PCBP3: variants seen among roughly 807,000 people sequenced by gnomAD.
The protein encoded by PCBP3 is poly(rC) binding protein 3.
In PCBP3, 25 loss-of-function variants were observed where a neutral mutation model predicts 52.7. The ratio of observed to expected loss-of-function variants is 0.47; its 90% CI spans 0.35 to 0.66. The LOEUF is 0.66. PCBP3 is among the 30% of genes least tolerant of loss of function. The pLI, the probability that PCBP3 is intolerant of heterozygous loss-of-function variation, is 0.01. For synonymous variants in PCBP3, 162 were observed against 183.0 expected (o/e 0.89, Z 0.93); for missense variants, 391 against 490.3 (o/e 0.80, Z 1.91).
intron 2 of PCBP3, among the ~76,000 whole-genome samples, chr21:45,677,467 G>A (rs1032577156): frequency 6.6e-6 from 1 of 152,220 alleles, no homozygotes; most frequent in African/African-American, 2.4e-5. Flanking sequence ...AAAAGTGCAA[G>A]GTAAAACAGC....
intron 4 of PCBP3, among the ~76,000 whole-genome samples, chr21:45,765,233 G>A (rs530554274): frequency 3.9e-5 from 6 of 152,316 alleles, no homozygotes; most frequent in Non-Finnish European, 7.4e-5. Context: ...TGACCCTCCA[G>A]GGGTGCCAGG....
intron 1 of PCBP3, among the ~76,000 whole-genome samples, chr21:45,646,053 T>TTCTTTC (rs2079229355): frequency 1.4e-5 from 1 of 71,452 alleles, no homozygotes; most frequent in Non-Finnish European, 2.9e-5. Context: ...TGTCACCTGT[T>TTCTTTC]TCTCTCTCTC....
intron 4 of PCBP3, among the ~76,000 whole-genome samples, chr21:45,767,636 T>C (rs1269886611): frequency 1.3e-5 from 2 of 152,228 alleles, no homozygotes; most frequent in Non-Finnish European, 2.9e-5. Flanking sequence ...TGTTTTGCCT[T>C]CTTGAGGTGG....
At chr21:45,683,533 TA>T (rs2081972114) in intron 2 of PCBP3, among the ~76,000 whole-genome samples, 1 of 152,212 alleles carries the variant, frequency 6.6e-6, no homozygotes, top group Non-Finnish European at 1.5e-5. Flanking sequence ...CAAATATGTA[TA>T]ATACTGCAAT....
chr21:45,868,432 TA>T (rs34579989), intron 5 of PCBP3, among the ~76,000 whole-genome samples: 60,140 of 135,892 alleles, frequency 0.44, 14,108 homozygotes, highest in East Asian at 0.65. Flanking sequence ...TTTTTTTTTT[TA>T]AATAAAGGAT....
At chr21:45,677,986 C>T (rs1224038043) in intron 2 of PCBP3, among the ~76,000 whole-genome samples, 1 of 152,328 alleles carries the variant, frequency 6.6e-6, no homozygotes, top group East Asian at 1.9e-4. Context: ...ATTAACACCG[C>T]ATCCATTCTG....
rs1361109377 is a variant in PCBP3, at chr21:45,817,489, C to G, written c.-125-32472C>G. 6.6e-6 allele frequency among the ~76,000 whole-genome samples: 1 copy of G among 152,254 alleles called. No homozygotes were observed. The highest frequency in any genetic ancestry group is 2.4e-5 in the African/African-American group (1 of 41,470). On this transcript the variant is annotated intron_variant, in intron 4 of 17. Transcript: ENST00000681687. This position sits in a 1 kb window ranked among gnomAD's most constrained non-coding sequence, Gnocchi z 4.3. ...CCCCGTCTCCTCTTAGCTCTTGCCT[C>G]TGCTGTCCCCATCTCCCATATTCCA...
At chr21:45,796,258 A>G (rs2091915628) in intron 4 of PCBP3, among the ~76,000 whole-genome samples, 1 of 152,256 alleles carries the variant, frequency 6.6e-6, no homozygotes, top group African/African-American at 2.4e-5. Flanking sequence ...AAAAATCTAT[A>G]GGTAACTGTA....
At chr21:45,670,248 A>G (rs2081090880) in intron 2 of PCBP3, among the ~76,000 whole-genome samples, 1 of 152,072 alleles carries the variant, frequency 6.6e-6, no homozygotes, top group Admixed American at 6.5e-5. Flanking sequence ...GCCCAGTAGT[A>G]TGTGTTATTG....
chr21:45,904,195 A>G lies in PCBP3; in HGVS notation c.339+3082A>G, dbSNP rs1393043702. Among the ~76,000 whole-genome samples, 1 of 152,208 alleles carries G rather than the reference A, an allele frequency of 6.6e-6. No homozygotes were observed. Among genetic ancestry groups the G allele is most frequent in the Non-Finnish European group, 1.5e-5 (1 of 68,028 alleles). ...TTTGTCATCTCTGCCGCAGCAGGGC[A>G]GAGTCGAGTATCAGGAATTCCTAAA... On this transcript the variant is annotated intron_variant, in intron 9 of 17. Coordinates refer to ENST00000681687, the MANE Select transcript of PCBP3 (RefSeq NM_001384156.1). The surrounding 1 kb of genome is among the most constrained non-coding windows in gnomAD (Gnocchi z 4.8).
intron 2 of PCBP3, among the ~76,000 whole-genome samples, chr21:45,720,294 C>G (rs541295893): frequency 8.0e-4 from 121 of 152,158 alleles, no homozygotes; most frequent in African/African-American, 2.9e-3. Context: ...TGTTCAACTC[C>G]CACTTATGAG....
chr21:45,644,316 C>A (rs1466127044), intron 1 of PCBP3, among the ~76,000 whole-genome samples: 1 of 151,722 alleles, frequency 6.6e-6, no homozygotes, highest in South Asian at 2.1e-4. Context: ...GCCTCCTCCC[C>A]CTGGACGGCC....
At chr21:45,758,486 A>T (rs972837664) in intron 4 of PCBP3, among the ~76,000 whole-genome samples, 4 of 152,128 alleles carry the variant, frequency 2.6e-5, no homozygotes, top group African/African-American at 7.2e-5. Flanking sequence ...ATTTCTTTCA[A>T]CATGTTTGAT....
At chr21:45,937,417 C>A (rs1229049733) in intron 16 of PCBP3, among the ~76,000 whole-genome samples, 1 of 152,164 alleles carries the variant, frequency 6.6e-6, no homozygotes, top group Non-Finnish European at 1.5e-5. Flanking sequence ...CAACAGTCAC[C>A]CACCCACCAA....
At chr21:45,889,425 G>C (rs1196237945) in intron 5 of PCBP3, among the ~76,000 whole-genome samples, 1 of 152,188 alleles carries the variant, frequency 6.6e-6, no homozygotes, top group African/African-American at 2.4e-5. Flanking sequence ...CTGAATGCAG[G>C]GACAGCACCT....
At chr21:45,742,323 G>A (rs1165583454) in intron 3 of PCBP3, among the ~76,000 whole-genome samples, 4 of 152,236 alleles carry the variant, frequency 2.6e-5, no homozygotes, top group African/African-American at 9.6e-5. Context: ...CAGAGTGCCT[G>A]TGCTGTTGTA....
intron 2 of PCBP3, among the ~76,000 whole-genome samples, chr21:45,696,573 A>G (rs899692283): frequency 6.6e-6 from 1 of 152,104 alleles, no homozygotes; most frequent in Non-Finnish European, 1.5e-5. Flanking sequence ...TGGGTGGATC[A>G]TGAGGTCAAG....
At chr21:45,848,891 A>G (rs1296251405) in intron 4 of PCBP3, among the ~76,000 whole-genome samples, 2 of 152,150 alleles carry the variant, frequency 1.3e-5, no homozygotes, top group African/African-American at 4.8e-5. Context: ...GGGATTTTGC[A>G]TGCCTTTTTT....
intron 1 of PCBP3, among the ~76,000 whole-genome samples, chr21:45,660,461 G>C (rs1428610431): frequency 6.6e-6 from 1 of 152,070 alleles, no homozygotes; most frequent in Non-Finnish European, 1.5e-5. Context: ...TACATTTAAT[G>C]CAATTTTGAC....
Sources: gnomAD v4.1 joint callset for allele counts (sites outside exome capture counted in the v4.1 genomes callset) on GRCh38, gnomAD v4.1.1 for gene constraint, Gnocchi (gnomAD v3.1) non-coding constraint, MANE v1.5 for transcripts, NCBI Gene and HGNC (gene_info 2026-07-23, HGNC 2026-07-21) for gene names.